Variants in ARHGAP31 observed in about 807,000 individuals in gnomAD.
The protein encoded by ARHGAP31 is Rho GTPase activating protein 31.
ARHGAP31 carries 34 observed loss-of-function variants against 113.9 expected under a neutral mutation model. The observed-to-expected ratio is 0.30, with a 90% CI of 0.23 to 0.40. The LOEUF (loss-of-function observed/expected upper bound fraction) is 0.40. Among genes scored for constraint, ARHGAP31 ranks in the 10% least tolerant of loss-of-function variants. The pLI, the probability that ARHGAP31 is intolerant of heterozygous loss-of-function variation, is 1.00. For missense variants in ARHGAP31, 1,548 were observed against 1,767.1 expected (o/e 0.88, Z 2.22); for synonymous variants, 650 against 684.8 (o/e 0.95, Z 0.79).
intron 1 of ARHGAP31, among the ~76,000 whole-genome samples, chr3:119,355,449 C>T (rs1287325502): frequency 6.6e-6 from 1 of 150,982 alleles, no homozygotes; most frequent in Non-Finnish European, 1.5e-5. Context: ...TTCAGGAAAA[C>T]ATTTTGAGTG....
intron 1 of ARHGAP31, among the ~76,000 whole-genome samples, chr3:119,344,385 G>A (rs1016623604): frequency 6.6e-6 from 1 of 152,160 alleles, no homozygotes; most frequent in Admixed American, 6.5e-5. Flanking sequence ...TCATATGGCT[G>A]AAGCCTGTAT....
intron 1 of ARHGAP31, among the ~76,000 whole-genome samples, chr3:119,301,563 G>A (rs2079585568): frequency 6.6e-6 from 1 of 152,232 alleles, no homozygotes; most frequent in Non-Finnish European, 1.5e-5. Context: ...TAGGGTGGAA[G>A]CAGGTGTGAG....
In ARHGAP31 at chr3:119,415,468, C is replaced by G; in HGVS notation, c.3539C>G (p.Pro1180Arg). The G allele has an allele frequency of 6.2e-7, 1 of 1,614,116 alleles. No homozygotes were observed. Among genetic ancestry groups the G allele is most frequent in the South Asian group, 1.1e-5 (1 of 91,080 alleles). The stretch of plus-strand genomic sequence containing the variant: ...CTGACAGGCCGCCGTAACTCAGCTC[C>G]TGTGAGTGTGTCAGCTGTGAGAACC... ...HALTGRRNSA[P>R]VSVSAVRTSF... Residue 1180 changes from proline (P) to arginine (R), a missense_variant, in exon 12 of 12, where the codon CCT (proline) becomes CGT (arginine). Pro to Arg is a moderately radical substitution (Grantham distance 103). Transcript: ENST00000264245.
chr3:119,418,376 A>T lies in ARHGAP31; in HGVS notation c.*2112A>T, dbSNP rs149336197. On this transcript the variant is annotated 3_prime_UTR_variant, in exon 12 of 12. Transcript: ENST00000264245. ...GCCATGTTCAAGAGATCTGAAAAGT[A>T]CATTCCTGCCTTATCAGAAAATGTG... is the stretch of plus-strand genomic sequence containing the variant. The T allele has an allele frequency of 7.9e-5, 12 of 152,352 alleles. No individual in the cohort carries two copies. The East Asian group carries it at 2.3e-3, about 29-fold the overall frequency. 9.4% of individuals were successfully genotyped at this position (152,352 alleles called of 1,614,324 possible). A position where few individuals can be genotyped will look rare whatever the true frequency, so the allele number is the denominator to read the frequency against.
At chr3:119,385,787 G>A (rs925419498) in intron 6 of ARHGAP31, among the ~76,000 whole-genome samples, 7 of 152,202 alleles carry the variant, frequency 4.6e-5, no homozygotes, top group African/African-American at 1.7e-4. Context: ...CGCTGCGTGT[G>A]GACTACTGAA....
At chr3:119,385,486 T>A (rs979238823) in intron 6 of ARHGAP31, among the ~76,000 whole-genome samples, 2 of 152,206 alleles carry the variant, frequency 1.3e-5, no homozygotes, top group African/African-American at 4.8e-5. Flanking sequence ...GCCTTTCTTT[T>A]TTATTTCAAC....
chr3:119,361,896 CA>C (rs1343827365), intron 1 of ARHGAP31, among the ~76,000 whole-genome samples: 1 of 152,226 alleles, frequency 6.6e-6, no homozygotes, highest in Non-Finnish European at 1.5e-5. Context: ...GCTAACACTT[CA>C]CAGTGATTGG....
intron 1 of ARHGAP31, among the ~76,000 whole-genome samples, chr3:119,323,084 G>A (rs1246258191): frequency 2.6e-5 from 4 of 152,196 alleles, no homozygotes; most frequent in Non-Finnish European, 1.5e-5. Flanking sequence ...CGCTGACTCT[G>A]CTCTGCGCGC....
intron 1 of ARHGAP31, among the ~76,000 whole-genome samples, chr3:119,323,473 T>G (rs1201554196): frequency 6.6e-6 from 1 of 152,176 alleles, no homozygotes; most frequent in Non-Finnish European, 1.5e-5. Flanking sequence ...TTGCGTTTCT[T>G]TCCTTTTTTC....
chr3:119,402,423 T>C, intron 10 of ARHGAP31, 26 bp downstream of exon 10: 2 of 1,606,944 alleles, frequency 1.2e-6, no homozygotes, highest in Non-Finnish European at 1.7e-6. Flanking sequence ...AGGGTATCTT[T>C]CCGTTGCAAG....
chr3:119,404,967 C>T (rs6773050), intron 10 of ARHGAP31, among the ~76,000 whole-genome samples: 73,960 of 151,982 alleles, frequency 0.49, 18,613 homozygotes, highest in South Asian at 0.58. Context: ...AAATTACAAC[C>T]GACACTCTCT....
At chr3:119,360,180 TATCACCCAGCC>T (rs2080193676) in intron 1 of ARHGAP31, among the ~76,000 whole-genome samples, 1 of 152,232 alleles carries the variant, frequency 6.6e-6, no homozygotes, top group Non-Finnish European at 1.5e-5. Context: ...GTCTGGCTTC[TATCACCCAGCC>T]GAGTGTCTTT....
chr3:119,336,734 A>G (rs2079952778), intron 1 of ARHGAP31, among the ~76,000 whole-genome samples: 1 of 152,234 alleles, frequency 6.6e-6, no homozygotes. Flanking sequence ...CTATACAACA[A>G]TGACCACAAT....
At chr3:119,371,229 C>T (rs1470235619) in intron 3 of ARHGAP31, among the ~76,000 whole-genome samples, 2 of 152,084 alleles carry the variant, frequency 1.3e-5, no homozygotes, top group African/African-American at 4.8e-5. Flanking sequence ...AATTCTTTGT[C>T]TGGAAACTTT....
intron 1 of ARHGAP31, among the ~76,000 whole-genome samples, chr3:119,329,106 G>C (rs2079869957): frequency 6.6e-6 from 1 of 152,292 alleles, no homozygotes; most frequent in East Asian, 1.9e-4. Flanking sequence ...GGACCTAAAA[G>C]TCGTATGGCA....
intron 1 of ARHGAP31, among the ~76,000 whole-genome samples, chr3:119,339,509 A>C (rs952466054): frequency 6.6e-6 from 1 of 152,170 alleles, no homozygotes. Context: ...GAGGCCTAGT[A>C]TATAGCTACA....
chr3:119,397,486 TC>T (rs1053371472), intron 8 of ARHGAP31, among the ~76,000 whole-genome samples: 1 of 152,256 alleles, frequency 6.6e-6, no homozygotes, highest in African/African-American at 2.4e-5. Context: ...CCAGGTAGTT[TC>T]AGGGCAGTAA....
chr3:119,346,027 A>G (rs1264243773), intron 1 of ARHGAP31, among the ~76,000 whole-genome samples: 3 of 152,090 alleles, frequency 2.0e-5, no homozygotes, highest in African/African-American at 4.8e-5. Context: ...ACTGCCCTCT[A>G]TTGGGTCCTG....
intron 1 of ARHGAP31, among the ~76,000 whole-genome samples, chr3:119,347,297 T>A (rs2080069171): frequency 6.6e-6 from 1 of 152,236 alleles, no homozygotes; most frequent in Non-Finnish European, 1.5e-5. Context: ...GGGCAGTGTC[T>A]TGTAAGTTGA....
Sources: allele counts gnomAD v4.1 joint callset (sites outside exome capture counted in the v4.1 genomes callset), GRCh38; gene constraint gnomAD v4.1.1; transcripts MANE v1.5; gene names NCBI Gene and HGNC (gene_info 2026-07-23, HGNC 2026-07-21).